The following LSP1 variants were observed in gnomAD, a reference collection of about 807,000 sequenced individuals.
LSP1 encodes lymphocyte-specific protein 1.
LSP1 carries 32 observed loss-of-function variants against 49.3 expected under a neutral mutation model. That is an observed-to-expected ratio of 0.65 (90% CI 0.49 to 0.87). The LOEUF (loss-of-function observed/expected upper bound fraction) is 0.87, where lower values mean the gene tolerates loss of function less well. Among genes scored for constraint, LSP1 ranks in the 40% least tolerant of loss-of-function variants. The pLI is 0.00. For missense variants in LSP1, 428 were observed against 442.6 expected, an observed-to-expected ratio of 0.97 and a Z score of 0.30; for synonymous variants, 179 against 178.8, an observed-to-expected ratio of 1.00 and a Z score of -0.01.
At chr11:1,860,608 A>C (rs1327448441) in intron 1 of LSP1, among the ~76,000 whole-genome samples, 1 of 152,220 alleles carries the variant, frequency 6.6e-6, no homozygotes, top group Non-Finnish European at 1.5e-5. Context: ...GATATTTAGA[A>C]TATTTAACAA....
rs1478322862 is a variant in LSP1 at position 1,890,232 on chromosome 11, G to C, written c.*14-1541G>C. 4.2e-6 allele frequency: 3 copies of C among 716,606 alleles called. No individual in the cohort carries two copies. In the East Asian group the frequency reaches 8.1e-5, roughly 19 times the overall value. 44.4% of individuals were successfully genotyped at this position (716,606 alleles called of 1,614,324 possible). A position where few individuals can be genotyped will look rare whatever the true frequency, so the allele number is the denominator to read the frequency against. ...GGGTGATGCCACGTGGTGGATGATGGGGGTGTGCGGGGAGCGGGGTAGGGC... is the reference window on the plus strand; with the variant it reads ...GGGTGATGCCACGTGGTGGATGATGCGGGTGTGCGGGGAGCGGGGTAGGGC... On this transcript the variant is annotated intron_variant, in intron 10 of 10. Coordinates refer to ENST00000311604, the MANE Select transcript of LSP1 (RefSeq NM_002339.3).
intron 2 of LSP1, chr11:1,881,197 C>G (rs1384802793): frequency 1.2e-5 from 6 of 501,056 alleles, no homozygotes; most frequent in Non-Finnish European, 1.8e-5. Context: ...CTCAAGGAGT[C>G]CTGGACTGAT....
chr11:1,875,194 T>TC (rs1244736681), intron 1 of LSP1, among the ~76,000 whole-genome samples: 1 of 148,728 alleles, frequency 6.7e-6, no homozygotes, highest in African/African-American at 2.6e-5. Context: ...GGCTCCGCCC[T>TC]CCCCCCCATC....
chr11:1,890,598 G>A (rs1311055566), intron 10 of LSP1: 2 of 701,400 alleles, frequency 2.9e-6, no homozygotes, highest in Non-Finnish European at 5.2e-6. Flanking sequence ...TGTGTCCTAG[G>A]GTGGGAGGGA....
chr11:1,889,303 C>A, intron 10 of LSP1: 3 of 704,026 alleles, frequency 4.3e-6, no homozygotes, highest in East Asian at 2.7e-5. Flanking sequence ...GTGAGGCTGG[C>A]TGGGGTGTGC....
Position 1,881,592 on chromosome 11 carries a change from G to A in LSP1, c.352G>A (p.Asp118Asn). 3 of 1,459,542 alleles carry A rather than the reference G, an allele frequency of 2.1e-6. No homozygotes were observed. Among genetic ancestry groups the A allele is most frequent in the South Asian group, 2.8e-5 (2 of 72,708 alleles). The allele number at this position is 1,459,542 out of a possible 1,614,324, so 90.4% of individuals were successfully genotyped here. The change falls in exon 3 of 11, where the codon GAC becomes AAC. Residue 118 changes from aspartate to asparagine, a missense_variant. Transcript: ENST00000311604. ...QCRSPEGEQEDRPGLHAYEKE... is the reference protein window; with the variant it reads ...QCRSPEGEQENRPGLHAYEKE... ...CAGGAGTCCTGAGGGGGAGCAAGAG[G>A]ACAGGTGAGTGAGGGCCTCGAGGGC...
intron 1 of LSP1, among the ~76,000 whole-genome samples, chr11:1,875,777 C>T (rs568268395): frequency 3.3e-5 from 5 of 152,324 alleles, no homozygotes; most frequent in South Asian, 2.1e-4. Context: ...CCCGTCTCTA[C>T]GCCCGAGCCC....
intron 1 of LSP1, among the ~76,000 whole-genome samples, chr11:1,878,707 C>T (rs113896343): frequency 6.6e-6 from 1 of 152,106 alleles, no homozygotes; most frequent in Non-Finnish European, 1.5e-5. Context: ...GGCCACTGGC[C>T]GGGAAGAACT....
chr11:1,871,077 C>T (rs539690364), intron 1 of LSP1: 8 of 985,568 alleles, frequency 8.1e-6, no homozygotes, highest in African/African-American at 7.0e-5. Flanking sequence ...GGACGCTGAT[C>T]GCGGAGTGCA....
chr11:1,875,438 A>C (rs1289758579), intron 1 of LSP1, among the ~76,000 whole-genome samples: 2 of 152,176 alleles, frequency 1.3e-5, no homozygotes, highest in East Asian at 1.9e-4. Context: ...CTCCAGCTGC[A>C]CAGAGCCACT....
At chr11:1,878,483 G>T (rs1157460190) in intron 1 of LSP1, among the ~76,000 whole-genome samples, 1 of 152,118 alleles carries the variant, frequency 6.6e-6, no homozygotes, top group Non-Finnish European at 1.5e-5. Context: ...TCGGGGGCGC[G>T]GGGGGCGGGG....
intron 1 of LSP1, among the ~76,000 whole-genome samples, chr11:1,875,859 C>T (rs1022438547): frequency 5.9e-5 from 9 of 152,328 alleles, no homozygotes; most frequent in African/African-American, 1.9e-4. Flanking sequence ...TGTCTCTGCT[C>T]CTGGCTCCCC....
chr11:1,879,269 C>T (rs1021292732), intron 1 of LSP1, among the ~76,000 whole-genome samples: 3 of 152,200 alleles, frequency 2.0e-5, no homozygotes, highest in Admixed American at 6.5e-5. Context: ...CGCTTGAACC[C>T]AGGAGGCGGA....
intron 1 of LSP1, among the ~76,000 whole-genome samples, chr11:1,871,961 C>A (rs1848034791): frequency 7.0e-6 from 1 of 143,842 alleles, no homozygotes; most frequent in South Asian, 2.2e-4. Flanking sequence ...GCTGTAGTCA[C>A]CCTGGCGCAC....
intron 3 of LSP1, 71 bp downstream of exon 3, chr11:1,881,667 G>C (rs1230709618): frequency 7.0e-7 from 1 of 1,426,082 alleles, no homozygotes; most frequent in African/African-American, 1.5e-5. Flanking sequence ...GCGGGCGCTG[G>C]GCAGAGCAGG....
At chr11:1,878,072 A>G (rs920425389) in intron 1 of LSP1, among the ~76,000 whole-genome samples, 1 of 151,978 alleles carries the variant, frequency 6.6e-6, no homozygotes, top group Non-Finnish European at 1.5e-5. Context: ...CCCAGGTCCA[A>G]GGAGGAGCAT....
chr11:1,889,045 G>A (rs1848871790), intron 10 of LSP1: 1 of 576,342 alleles, frequency 1.7e-6, no homozygotes, highest in Non-Finnish European at 3.1e-6. Flanking sequence ...CTTGGGCCCT[G>A]GTGCATCTTC....
At chr11:1,865,320 C>A in intron 1 of LSP1, 4 of 837,962 alleles carry the variant, frequency 4.8e-6, no homozygotes, top group Non-Finnish European at 5.8e-6. Context: ...CCATGCTGGG[C>A]TGCCACATGC....
At chr11:1,870,649 G>A in intron 1 of LSP1, 1 of 1,087,374 alleles carries the variant, frequency 9.2e-7, no homozygotes, top group Non-Finnish European at 1.1e-6. Flanking sequence ...TGCCGGCTGT[G>A]GCTCCCGCCC....
Sources: allele counts gnomAD v4.1 joint callset (sites outside exome capture counted in the v4.1 genomes callset), GRCh38; gene constraint gnomAD v4.1.1; transcripts MANE v1.5; gene names NCBI Gene and HGNC (gene_info 2026-07-23, HGNC 2026-07-21).